NOTCH2: variants seen among roughly 807,000 people sequenced by gnomAD.
NOTCH2 encodes notch receptor 2.
In NOTCH2, 29 loss-of-function variants were observed where a neutral mutation model predicts 235.8. That is an observed-to-expected ratio of 0.12 (90% CI 0.09 to 0.17). NOTCH2 has a LOEUF of 0.17. Ranked by LOEUF, NOTCH2 falls within the 10% of genes least tolerant of loss-of-function variation. NOTCH2 has a pLI of 1.00. For missense variants in NOTCH2, 2,285 were observed against 3,150.2 expected (o/e 0.73, Z 6.57); for synonymous variants, 1,086 against 1,141.5 (o/e 0.95, Z 0.98).
Position 119,968,060 on chromosome 1 carries a change from A to G in NOTCH2, c.1264+17T>C. 1 of 1,613,924 alleles carries G rather than the reference A, an allele frequency of 6.2e-7. No homozygotes were observed. Among genetic ancestry groups the G allele is most frequent in the South Asian group, 1.1e-5 (1 of 91,076 alleles). On this transcript the variant is annotated intron_variant, in intron 7 of 33. Transcript: ENST00000256646. ...CAACAGACACTTCACAGAACAGAAA[A>G]AGTTCTGCTTACTCACCCATGGCAC...
At chr1:119,962,169 C>T (rs1300920385) in intron 11 of NOTCH2, among the ~76,000 whole-genome samples, 2 of 152,156 alleles carry the variant, frequency 1.3e-5, no homozygotes, top group African/African-American at 4.8e-5. Flanking sequence ...CCTCTCTGTC[C>T]TCCCCAGAAA....
Position 120,005,389 on chromosome 1 carries a change from C to A in NOTCH2, c.355G>T (p.Gly119Cys). ...CFVSRPCLNG[G>C]TCHMLSRDTY... The stretch of plus-strand genomic sequence containing the variant: ...TCCCGGCTGAGCATATGGCATGTGC[C>A]GCCATTCAGGCAGGGTCGAGACACA... The change falls in exon 3 of 34, where the codon GGC becomes TGC. Residue 119 changes from glycine (G) to cysteine (C), a missense_variant. By Grantham distance (159) the Gly-to-Cys change is radical (BLOSUM62 -3). Around this residue, in one of 6 missense-constraint regions of NOTCH2, gnomAD observed 431 missense variants for 757.8 expected, o/e 0.57. Transcript: ENST00000256646. 6.2e-7 allele frequency: 1 copy of A among 1,614,018 alleles called. No homozygotes were observed. Among genetic ancestry groups the A allele is most frequent in the Non-Finnish European group, 8.5e-7 (1 of 1,179,870 alleles).
intron 2 of NOTCH2, among the ~76,000 whole-genome samples, chr1:120,026,672 T>TTTTC (rs2101316418): frequency 9.5e-6 from 1 of 104,790 alleles, no homozygotes; most frequent in East Asian, 2.6e-4. Context: ...TGTTCTTGCT[T>TTTTC]TTTCTTTGTC....
Position 119,948,290 on chromosome 1 carries a change from G to A in NOTCH2, c.2752+124C>T, listed in dbSNP as rs1553197287. 3.0e-6 allele frequency: 3 copies of A among 988,896 alleles called. No individual in the cohort carries two copies. In the East Asian group the frequency reaches 7.2e-5, roughly 24 times the overall value. 61.3% of individuals were successfully genotyped at this position (988,896 alleles called of 1,614,324 possible). On this transcript the variant is annotated intron_variant, in intron 17 of 33. Transcript: ENST00000256646. Reference sequence around the variant, plus strand: ...GAGTTAAAACACTACTGTTAAATATGCTGGATAAATGACCGGTATGCCCAA... The same window carrying A: ...GAGTTAAAACACTACTGTTAAATATACTGGATAAATGACCGGTATGCCCAA...
At chr1:119,941,123 T>C (rs192317350) in intron 18 of NOTCH2, among the ~76,000 whole-genome samples, 5 of 152,234 alleles carry the variant, frequency 3.3e-5, no homozygotes, top group African/African-American at 1.2e-4. Context: ...AAAAGACAAA[T>C]AGAACAAACA....
In NOTCH2 at chr1:119,921,755, T is replaced by A. The variant is rs757042581; in HGVS notation, c.5268A>T (p.Glu1756Asp). The change falls in exon 29 of 34, where the codon GAA becomes GAT. Residue 1756 changes from glutamate to aspartate, a missense_variant. Physicochemically the swap from Glu to Asp is conservative, Grantham distance 45. This residue lies in a region of NOTCH2 where 1,173 missense variants were observed against 1,515.3 expected (regional missense o/e 0.77). Transcript: ENST00000256646. ...EANLIGTGTS[E>D]HWVDDEGPQP... The stretch of plus-strand genomic sequence containing the variant: ...GGGGCCCTTCATCATCGACCCAGTG[T>A]TCACTTGTTCCAGTACCAATTAGGT... 6.2e-7 allele frequency: 1 copy of A among 1,614,230 alleles called. No homozygotes were observed. The highest frequency in any genetic ancestry group is 1.7e-5 in the Admixed American group (1 of 60,034).
At chr1:119,947,060 A>G (rs1553197123) in intron 17 of NOTCH2, among the ~76,000 whole-genome samples, 1 of 152,150 alleles carries the variant, frequency 6.6e-6, no homozygotes, top group African/African-American at 2.4e-5. Flanking sequence ...GCCAAAATGT[A>G]AGAGCTAAAA....
chr1:119,926,779 T>A (rs1649490002), intron 23 of NOTCH2, among the ~76,000 whole-genome samples, 168 bp from the exon 24 acceptor site: 1 of 152,140 alleles, frequency 6.6e-6, no homozygotes. Flanking sequence ...TCACTGCATC[T>A]CAACATGATT....
At chr1:120,060,749 C>T (rs1553216079) in intron 1 of NOTCH2, among the ~76,000 whole-genome samples, 1 of 150,476 alleles carries the variant, frequency 6.6e-6, no homozygotes. Context: ...TAAACTGTTT[C>T]AATGTTTGTT....
Position 119,941,515 on chromosome 1 carries a change from T to G in NOTCH2, c.2981+11A>C. ...CGTAAGATGCTGATGCCCGAGGGAC[T>G]GGTTGCTCACCTCTCAGTGCACTCA... On this transcript the variant is annotated intron_variant, in intron 18 of 33. Transcript: ENST00000256646. 2.5e-5 allele frequency: 40 copies of G among 1,583,150 alleles called. No individual in the cohort carries two copies. Among genetic ancestry groups the G allele is most frequent in the Non-Finnish European group, 3.3e-5 (38 of 1,152,076 alleles).
chr1:119,970,485 A>C (rs1651320943), intron 5 of NOTCH2, among the ~76,000 whole-genome samples: 1 of 152,190 alleles, frequency 6.6e-6, no homozygotes, highest in Admixed American at 6.6e-5. Flanking sequence ...GATTTGTGGA[A>C]GAAGACAAAG....
At chr1:119,920,197 C>A (rs1203288825) in intron 30 of NOTCH2, 32 bp downstream of exon 30, 9 of 1,612,898 alleles carry the variant, frequency 5.6e-6, no homozygotes, top group Non-Finnish European at 7.6e-6. Context: ...CAGACACAGC[C>A]CAGTGAAGAG....
chr1:119,941,770 A>G lies in NOTCH2; in HGVS notation c.2753-16T>C, dbSNP rs1459739721. ...TGGCAAGGATCTAAGCCATTACAAA[A>G]GAATTAGACCTCTGAAGAGTAGCAT... On this transcript the variant is annotated splice_polypyrimidine_tract_variant and intron_variant, in intron 17 of 33. Coordinates refer to ENST00000256646, the MANE Select transcript of NOTCH2 (RefSeq NM_024408.4). 2.6e-6 allele frequency: 4 copies of G among 1,564,814 alleles called. No individual in the cohort carries two copies. Among genetic ancestry groups the G allele is most frequent in the Non-Finnish European group, 3.5e-6 (4 of 1,135,336 alleles).
chr1:119,938,824 G>A (rs587646478), intron 19 of NOTCH2, among the ~76,000 whole-genome samples: 10 of 152,176 alleles, frequency 6.6e-5, no homozygotes, highest in Admixed American at 1.3e-4. Flanking sequence ...GGGACTACAG[G>A]CACCCGCTAC....
chr1:119,937,495 A>G (rs1312960134), intron 20 of NOTCH2, 29 bp from the exon 21 acceptor site: 2 of 1,600,152 alleles, frequency 1.2e-6, no homozygotes, highest in Non-Finnish European at 1.7e-6. Context: ...GAGAAATGTC[A>G]TAGAAGAACA....
intron 17 of NOTCH2, among the ~76,000 whole-genome samples, chr1:119,944,466 C>T (rs12025399): frequency 6.8e-6 from 1 of 146,686 alleles, no homozygotes; most frequent in Admixed American, 7.0e-5. Context: ...ACCCAGGAGG[C>T]GGAGCTTGCA....
chr1:119,980,817 C>T (rs1210655490), intron 5 of NOTCH2, among the ~76,000 whole-genome samples: 2 of 152,158 alleles, frequency 1.3e-5, no homozygotes, highest in Admixed American at 6.6e-5. Context: ...GGAGCTGCCA[C>T]CAAGGCATGT....
rs951352077 is a variant in NOTCH2 at position 119,925,722 on chromosome 1, C to G, written c.4094G>C (p.Arg1365Pro). Reference protein sequence around the residue: ...EQCVHTASGPRCFCPSPRDCE... With the variant: ...EQCVHTASGPPCFCPSPRDCE... ...GTCCCGGGGACTGGGGCAGAAGCAG[C>G]GGGGTCCAGAGGCGGTGTGCACACA... The change falls in exon 25 of 34, where the codon CGC becomes CCC. Residue 1365 changes from arginine to proline, a missense_variant. Transcript: ENST00000256646. The G allele has an allele frequency of 6.2e-7, 1 of 1,613,276 alleles. No homozygotes were observed. The highest frequency in any genetic ancestry group is 8.5e-7 in the Non-Finnish European group (1 of 1,179,480).
At chr1:119,943,580 T>C (rs1553196721) in intron 17 of NOTCH2, among the ~76,000 whole-genome samples, 1 of 152,128 alleles carries the variant, frequency 6.6e-6, no homozygotes, top group East Asian at 1.9e-4. Context: ...ATTGAATATT[T>C]GAACAAAGCT....
Sources: allele counts gnomAD v4.1 joint callset (sites outside exome capture counted in the v4.1 genomes callset), GRCh38; gene constraint gnomAD v4.1.1; regional missense constraint gnomAD v4.1.1; transcripts MANE v1.5; gene names NCBI Gene and HGNC (gene_info 2026-07-23, HGNC 2026-07-21).